Variants in NUMA1 observed in about 807,000 individuals in gnomAD.
The protein encoded by NUMA1 is nuclear mitotic apparatus protein 1.
In NUMA1, 62 loss-of-function variants were observed where a neutral mutation model predicts 237.1. That is an observed-to-expected ratio of 0.26 (90% CI 0.21 to 0.32). NUMA1 has a LOEUF of 0.32. Among genes scored for constraint, NUMA1 ranks in the 10% least tolerant of loss-of-function variants. The probability of loss-of-function intolerance (pLI) is 1.00; values close to 1 mark genes in which losing one functional copy is unlikely to be tolerated. For missense variants in NUMA1, 2,533 were observed against 2,666.5 expected, an observed-to-expected ratio of 0.95 and a Z score of 1.10; for synonymous variants, 1,028 against 1,066.1, an observed-to-expected ratio of 0.96 and a Z score of 0.70.
chr11:72,062,010 A>T (rs1263955305), intron 2 of NUMA1, among the ~76,000 whole-genome samples: 2 of 152,272 alleles, frequency 1.3e-5, no homozygotes, highest in East Asian at 3.9e-4. Flanking sequence ...GCACATTTCC[A>T]GCAAGTCGAA....
intron 2 of NUMA1, among the ~76,000 whole-genome samples, chr11:72,046,691 T>G (rs1204914922): frequency 6.6e-6 from 1 of 151,986 alleles, no homozygotes; most frequent in Non-Finnish European, 1.5e-5. Flanking sequence ...CTGGGCACAG[T>G]GGCTCATGCC....
chr11:72,021,301 A>G lies in NUMA1; in HGVS notation c.373-10T>C. ...TGACAGCCAACTCAGCCTGGGCCAC[A>G]GGGAGAAAAAGAGCATCACTTAGGT... On this transcript the variant is annotated splice_polypyrimidine_tract_variant and intron_variant, in intron 7 of 26. Coordinates refer to ENST00000393695, the MANE Select transcript of NUMA1 (RefSeq NM_006185.4). 6.2e-7 allele frequency: 1 copy of G among 1,613,210 alleles called. No homozygotes were observed. The highest frequency in any genetic ancestry group is 8.5e-7 in the Non-Finnish European group (1 of 1,179,232).
Position 72,014,484 on chromosome 11 carries a change from C to T in NUMA1, c.3019G>A (p.Ala1007Thr). 6.2e-7 allele frequency: 1 copy of T among 1,602,426 alleles called. No homozygotes were observed. Among genetic ancestry groups the T allele is most frequent in the Non-Finnish European group, 8.5e-7 (1 of 1,179,950 alleles). Residue 1007 changes from alanine (A) to threonine (T), a missense_variant, in exon 15 of 27, where the codon GCG becomes ACG. Coordinates refer to ENST00000393695, the MANE Select transcript of NUMA1 (RefSeq NM_006185.4). The surrounding 1 kb of genome is among the most constrained non-coding windows in gnomAD (Gnocchi z 4.6). ...EERGQQEREV[A>T]RLTQERGRAQ... The stretch of plus-strand genomic sequence containing the variant: ...CGGCCCCGCTCCTGGGTCAGCCGCG[C>T]CACCTCCCTTTCCTGCTGCCCACGC...
In NUMA1 at chr11:72,030,313, G is replaced by T. The variant is rs188002705; in HGVS notation, c.43-1023C>A. ...ATTGCATCACTGTACTCTAGCCTGA[G>T]TGACAGAGCAAGACCCTGTCTCCAA... On this transcript the variant is annotated intron_variant, in intron 3 of 26. Coordinates refer to ENST00000393695, the MANE Select transcript of NUMA1 (RefSeq NM_006185.4). 2.0e-5 allele frequency among the ~76,000 whole-genome samples: 3 copies of T among 148,666 alleles called. No individual in the cohort carries two copies. The East Asian group carries it at 6.1e-4, about 30-fold the overall frequency.
intron 2 of NUMA1, among the ~76,000 whole-genome samples, chr11:72,060,177 A>G (rs904016575): frequency 2.0e-5 from 3 of 152,212 alleles, no homozygotes; most frequent in Admixed American, 6.5e-5. Flanking sequence ...ACTATGGCCT[A>G]TAAGTTAGCA....
At chr11:72,034,901 C>T (rs183942437) in intron 3 of NUMA1, among the ~76,000 whole-genome samples, 5 of 152,268 alleles carry the variant, frequency 3.3e-5, no homozygotes, top group Admixed American at 6.5e-5. Flanking sequence ...CTGTCGCCCA[C>T]GCTGGAATGC....
Position 72,009,103 on chromosome 11 carries a change from A to C in NUMA1, c.4922T>G (p.Leu1641Arg), listed in dbSNP as rs1268341435. ...TCGCAGCTCTTTGTTTTCCTTCTGCAGCTGCTCCAGGCTCCGCAGCTGCTC... is the reference window on the plus strand; with the variant it reads ...TCGCAGCTCTTTGTTTTCCTTCTGCCGCTGCTCCAGGCTCCGCAGCTGCTC... ...LQEQLRSLEQ[L>R]QKENKELRAE... The change falls in exon 19 of 27, where the codon CTG (leucine) becomes CGG (arginine). Residue 1641 changes from leucine (L) to arginine (R), a missense_variant. Coordinates refer to ENST00000393695, the MANE Select transcript of NUMA1 (RefSeq NM_006185.4). 7.4e-6 allele frequency: 12 copies of C among 1,612,378 alleles called. No homozygotes were observed. Among genetic ancestry groups the C allele is most frequent in the Non-Finnish European group, 9.3e-6 (11 of 1,179,832 alleles).
At chr11:72,068,010 TAAC>T (rs1943275352) in intron 2 of NUMA1, 1 of 152,178 alleles carries the variant, frequency 6.6e-6, no homozygotes. Flanking sequence ...CCACAACTGC[TAAC>T]AACAACAAAA....
intron 14 of NUMA1, 59 bp downstream of exon 14, chr11:72,016,349 T>G: frequency 1.3e-6 from 2 of 1,599,218 alleles, no homozygotes; most frequent in Non-Finnish European, 1.7e-6. Context: ...GGAACCCAAA[T>G]GTACTGAATG....
At chr11:72,036,085 C>A in intron 2 of NUMA1, 110 bp from the exon 3 acceptor site, 1 of 767,922 alleles carries the variant, frequency 1.3e-6, no homozygotes, top group South Asian at 1.5e-5. Context: ...AATCACTCTT[C>A]ACTGAATCCA....
intron 20 of NUMA1, chr11:72,007,775 G>A (rs1208999291): frequency 2.9e-5 from 11 of 381,184 alleles, no homozygotes; most frequent in East Asian, 1.2e-4. Context: ...GAATAGGAAC[G>A]CCCCCCACTC....
intron 21 of NUMA1, among the ~76,000 whole-genome samples, chr11:72,006,519 CAG>C (rs1285129061): frequency 2.0e-5 from 3 of 152,152 alleles, no homozygotes; most frequent in Non-Finnish European, 4.4e-5. Context: ...GTAGGGAATG[CAG>C]AGTGTTTATC....
chr11:72,073,218 G>A (rs1943546565), intron 1 of NUMA1, among the ~76,000 whole-genome samples: 1 of 150,178 alleles, frequency 6.7e-6, no homozygotes, highest in African/African-American at 2.5e-5. Context: ...AAATTAGCCG[G>A]GTGTAGTCCC....
chr11:72,024,611 C>A, intron 4 of NUMA1: 1 of 483,598 alleles, frequency 2.1e-6, no homozygotes, highest in Non-Finnish European at 3.8e-6. Context: ...TATTTGCAAA[C>A]ATAAAAAAGC....
Position 72,004,642 on chromosome 11 carries a change from C to T in NUMA1, c.6004G>A (p.Glu2002Lys), listed in dbSNP as rs763804335. ...CACCCAGGAGCCACCGCGCCTACCTCAGGAGTTCCAGGGCCCTGGTGGGGC... is the reference window on the plus strand; with the variant it reads ...CACCCAGGAGCCACCGCGCCTACCTTAGGAGTTCCAGGGCCCTGGTGGGGC... ...LEPHQGPGTP[E>K]SKKATSCFPR... Residue 2002 changes from glutamate (E) to lysine (K), a missense_variant and splice_region_variant, in exon 24 of 27, where the codon GAG becomes AAG. Glu to Lys is a moderately conservative substitution (Grantham distance 56). Around this residue, in one of 3 missense-constraint regions of NUMA1, gnomAD observed 795 missense variants for 750.8 expected, o/e 1.06. Coordinates refer to ENST00000393695, the MANE Select transcript of NUMA1 (RefSeq NM_006185.4). 3 of 1,612,136 alleles carry T rather than the reference C, an allele frequency of 1.9e-6. No homozygotes were observed. Among genetic ancestry groups the T allele is most frequent in the Non-Finnish European group, 2.5e-6 (3 of 1,179,830 alleles).
At chr11:72,075,754 T>C (rs1943676474) in intron 1 of NUMA1, among the ~76,000 whole-genome samples, 1 of 152,240 alleles carries the variant, frequency 6.6e-6, no homozygotes, top group African/African-American at 2.4e-5. Flanking sequence ...GTGGTTTCTG[T>C]TTTGCTGATT....
chr11:72,010,858 G>A lies in NUMA1; in HGVS notation c.4651-4C>T. On this transcript the variant is annotated splice_polypyrimidine_tract_variant and splice_region_variant and intron_variant, in intron 16 of 26. Coordinates refer to ENST00000393695, the MANE Select transcript of NUMA1 (RefSeq NM_006185.4). ...GTTTCTTACTCAGTTCTTCCACCTG[G>A]GGAGGGAAGAGGAGGACAGAAGACT... 1 of 1,613,482 alleles carries A rather than the reference G, an allele frequency of 6.2e-7. No homozygotes were observed. Among genetic ancestry groups the A allele is most frequent in the Non-Finnish European group, 8.5e-7 (1 of 1,179,596 alleles).
Position 72,015,277 on chromosome 11 carries a change from C to A in NUMA1, c.2226G>T (p.Glu742Asp), listed in dbSNP as rs1335335363. ...TATGCTGCTCCACCAGGCTTCGGGTCTCTGCCTTCAGCTCAGAGATACAAC... is the reference window on the plus strand; with the variant it reads ...TATGCTGCTCCACCAGGCTTCGGGTATCTGCCTTCAGCTCAGAGATACAAC... ...QQRCISELKA[E>D]TRSLVEQHKR... Residue 742 changes from glutamate (E) to aspartate (D), a missense_variant, in exon 15 of 27, where the codon GAG becomes GAT. Coordinates refer to ENST00000393695, the MANE Select transcript of NUMA1 (RefSeq NM_006185.4). This position sits in a 1 kb window ranked among gnomAD's most constrained non-coding sequence, Gnocchi z 4.0. 1.9e-6 allele frequency: 3 copies of A among 1,613,568 alleles called. No individual in the cohort carries two copies. Among genetic ancestry groups the A allele is most frequent in the Non-Finnish European group, 1.7e-6 (2 of 1,180,036 alleles).
rs183609373 is a variant in NUMA1, at chr11:72,063,162, T to C, written c.-33+6680A>G. ...ACTTTGGGAGGCTGAGGTGAAAGGA[T>C]TGCTTGAGCCCAGGAGTTCAAGACC... On this transcript the variant is annotated intron_variant, in intron 2 of 26. Transcript: ENST00000393695. 8.6e-3 allele frequency among the ~76,000 whole-genome samples: 1,306 copies of C among 152,204 alleles called. 23 individuals are homozygous for C. The highest frequency in any genetic ancestry group is 0.03 in the African/African-American group (1,236 of 41,518).
Sources: gnomAD v4.1 joint callset for allele counts (sites outside exome capture counted in the v4.1 genomes callset) on GRCh38, gnomAD v4.1.1 for gene constraint, gnomAD v4.1.1 regional missense constraint, Gnocchi (gnomAD v3.1) non-coding constraint, MANE v1.5 for transcripts, NCBI Gene and HGNC (gene_info 2026-07-23, HGNC 2026-07-21) for gene names.